Variants in CASD1 observed in about 807,000 individuals in gnomAD.
CASD1 encodes the protein CAS1 domain sialic acid O acetyltransferase 1, also known as N-acetylneuraminate (7)9-O-acetyltransferase.
Under a neutral mutation model 100.0 loss-of-function variants are expected in CASD1, and 41 were observed. The ratio of observed to expected loss-of-function variants is 0.41; its 90% CI spans 0.32 to 0.53. The LOEUF is 0.53. Ranked by LOEUF, CASD1 falls within the 20% of genes least tolerant of loss-of-function variation. The pLI is 0.25. For synonymous variants in CASD1, 321 were observed against 315.6 expected (o/e 1.02, Z -0.18); for missense variants, 774 against 948.7 (o/e 0.82, Z 2.42).
chr7:94,598,787 A>G, the CASD1 span: 2 of 1,611,034 alleles, frequency 1.2e-6, no homozygotes, highest in South Asian at 2.2e-5. Context: ...CTGCGTTTGC[A>G]TCAATGGCAT....
chr7:94,562,277 A>G, the CASD1 span, among the ~76,000 whole-genome samples: 4 of 152,212 alleles, frequency 2.6e-5, no homozygotes, highest in Admixed American at 6.5e-5. Context: ...CTTCTCATAT[A>G]CTTCAGATGA....
At chr7:94,527,284 T>A in intron 4 of CASD1, 78 bp downstream of exon 4, 1 of 1,035,140 alleles carries the variant, frequency 9.7e-7, no homozygotes, top group South Asian at 1.4e-5. Flanking sequence ...ACTAAGTATA[T>A]TTCAATGTAT....
chr7:94,528,717 G>A (rs886421702), intron 5 of CASD1, among the ~76,000 whole-genome samples: 1 of 151,876 alleles, frequency 6.6e-6, no homozygotes, highest in African/African-American at 2.4e-5. Flanking sequence ...AGCTCATGAT[G>A]TTTGGAGATA....
the CASD1 span, among the ~76,000 whole-genome samples, chr7:94,584,156 C>T: frequency 2.0e-5 from 3 of 152,174 alleles, no homozygotes; most frequent in Admixed American, 2.0e-4. Flanking sequence ...GAATAAAGTT[C>T]CTGATTTCTC....
the CASD1 span, chr7:94,587,822 A>G: frequency 6.5e-7 from 1 of 1,542,374 alleles, no homozygotes; most frequent in Non-Finnish European, 8.7e-7. Flanking sequence ...CCTTAAATTC[A>G]CGAAAGCAGT....
chr7:94,579,929 A>T, the CASD1 span, among the ~76,000 whole-genome samples: 1 of 152,180 alleles, frequency 6.6e-6, no homozygotes, highest in African/African-American at 2.4e-5. Flanking sequence ...ATCACAATGG[A>T]TATTGCCACC....
intron 3 of CASD1, among the ~76,000 whole-genome samples, chr7:94,520,206 A>G (rs1282134773): frequency 6.6e-6 from 1 of 152,212 alleles, no homozygotes. Flanking sequence ...TTGTCTCTGC[A>G]CACCTTGAGG....
chr7:94,543,517 T>C (rs565007442), intron 10 of CASD1, among the ~76,000 whole-genome samples: 2 of 152,076 alleles, frequency 1.3e-5, no homozygotes, highest in Non-Finnish European at 2.9e-5. Context: ...TAGCTGGATG[T>C]GGTGGCGGGT....
chr7:94,562,051 T>G, the CASD1 span, among the ~76,000 whole-genome samples: 2 of 152,184 alleles, frequency 1.3e-5, no homozygotes, highest in Non-Finnish European at 2.9e-5. Context: ...GTTGATTACA[T>G]CACACAATGG....
the CASD1 span, among the ~76,000 whole-genome samples, chr7:94,603,105 G>A: frequency 6.6e-6 from 1 of 152,054 alleles, no homozygotes; most frequent in Non-Finnish European, 1.5e-5. Context: ...GTACAAAAGT[G>A]GATATATTCT....
chr7:94,590,093 C>T, the CASD1 span: 1 of 152,156 alleles, frequency 6.6e-6, no homozygotes, highest in Non-Finnish European at 1.5e-5. Context: ...ATATATCTCA[C>T]TCCTACATGG....
chr7:94,528,132 T>C, intron 4 of CASD1, 56 bp from the exon 5 acceptor site: 1 of 1,161,538 alleles, frequency 8.6e-7, no homozygotes, highest in Non-Finnish European at 1.3e-6. Context: ...TTATTTTGAA[T>C]GGTGGAATTA....
the CASD1 span, among the ~76,000 whole-genome samples, chr7:94,591,904 A>C: frequency 5.6e-3 from 856 of 152,334 alleles, 3 homozygotes; most frequent in Middle Eastern, 0.01. Context: ...AAAAGTATCC[A>C]TAGTGGGTGT....
chr7:94,575,847 T>C, the CASD1 span, among the ~76,000 whole-genome samples: 1 of 152,220 alleles, frequency 6.6e-6, no homozygotes, highest in Non-Finnish European at 1.5e-5. Flanking sequence ...AAATCCACTG[T>C]TAATCTTGTT....
chr7:94,533,381 T>C (rs1794946966), intron 6 of CASD1, 132 bp downstream of exon 6: 1 of 647,936 alleles, frequency 1.5e-6, no homozygotes. Context: ...TATGATTAGA[T>C]TGATGAATTT....
chr7:94,527,994 T>G (rs1261373055), intron 4 of CASD1, among the ~76,000 whole-genome samples, 194 bp from the exon 5 acceptor site: 4 of 152,218 alleles, frequency 2.6e-5, no homozygotes, highest in African/African-American at 9.6e-5. Flanking sequence ...GACAGTAGGT[T>G]AGAGGAAGAC....
chr7:94,510,319 C>A, intron 1 of CASD1, 102 bp downstream of exon 1: 3 of 930,636 alleles, frequency 3.2e-6, no homozygotes, highest in Non-Finnish European at 4.3e-6. Context: ...CGCGGCCTTC[C>A]GCCGGCCCGG....
chr7:94,545,422 A>G (rs1026742907), intron 11 of CASD1, 123 bp from the exon 12 acceptor site: 1 of 622,112 alleles, frequency 1.6e-6, no homozygotes, highest in Admixed American at 2.8e-5. Context: ...ATATACTTGT[A>G]CAGTCATTAT....
the CASD1 span, chr7:94,626,944 C>A: frequency 1.3e-5 from 2 of 151,992 alleles, no homozygotes; most frequent in African/African-American, 4.8e-5. Context: ...ACTATCATGA[C>A]AATTATGCTG....
Sources: allele counts gnomAD v4.1 joint callset (sites outside exome capture counted in the v4.1 genomes callset), GRCh38; gene constraint gnomAD v4.1.1; transcripts MANE v1.5; gene names NCBI Gene and HGNC (gene_info 2026-07-23, HGNC 2026-07-21).